Variants in COG2 observed in about 807,000 individuals in gnomAD.
The protein encoded by COG2 is component of oligomeric golgi complex 2, also known as conserved oligomeric Golgi complex subunit 2.
A neutral mutation model predicts 90.6 loss-of-function variants in COG2; 52 were observed. The observed-to-expected ratio is 0.57, with a 90% CI of 0.46 to 0.72. The LOEUF is 0.72. Ranked by LOEUF, COG2 falls within the 30% of genes least tolerant of loss-of-function variation. The pLI, the probability that COG2 is intolerant of heterozygous loss-of-function variation, is 0.00. For missense variants in COG2, 829 were observed against 891.2 expected, an observed-to-expected ratio of 0.93 and a Z score of 0.89; for synonymous variants, 337 against 320.4, an observed-to-expected ratio of 1.05 and a Z score of -0.55.
intron 1 of COG2, among the ~76,000 whole-genome samples, chr1:230,652,387 T>A (rs1661934973): frequency 6.6e-6 from 1 of 152,242 alleles, no homozygotes; most frequent in African/African-American, 2.4e-5. Flanking sequence ...TTGATATAGC[T>A]CATCTCTTTT....
intron 1 of COG2, among the ~76,000 whole-genome samples, chr1:230,645,991 G>T (rs1269252153): frequency 1.3e-5 from 2 of 152,152 alleles, no homozygotes; most frequent in Non-Finnish European, 2.9e-5. Flanking sequence ...GGACGCTGGT[G>T]TAGGGGTCTT....
At chr1:230,656,964 C>T (rs1662071347) in intron 1 of COG2, among the ~76,000 whole-genome samples, 1 of 152,156 alleles carries the variant, frequency 6.6e-6, no homozygotes, top group Non-Finnish European at 1.5e-5. Context: ...CTATGTGTGT[C>T]TTTGCACGTG....
intron 10 of COG2, chr1:230,682,473 T>C (rs1237721510): frequency 6.6e-6 from 1 of 152,244 alleles, no homozygotes; most frequent in Non-Finnish European, 1.5e-5. Flanking sequence ...TTTTGTAAGC[T>C]TCACTGGGCA....
chr1:230,687,991 G>A (rs902361377), intron 13 of COG2, 80 bp from the exon 14 acceptor site: 4 of 922,484 alleles, frequency 4.3e-6, no homozygotes, highest in Non-Finnish European at 6.6e-6. Context: ...AAATTCTAGA[G>A]TTTGTAGATG....
rs941258785 is a variant in COG2 at position 230,668,409 on chromosome 1, G to A, written c.486-267G>A. ...CCCTGCTGCTGTCTGGTCCCTGTGG[G>A]TCAAGGCCAGGCAGCATCAGCAGCT... On this transcript the variant is annotated intron_variant, in intron 5 of 17. Transcript: ENST00000366669. Among the ~76,000 whole-genome samples, 8 of 152,294 alleles carry A rather than the reference G, an allele frequency of 5.3e-5. No homozygotes were observed. The East Asian group carries it at 1.5e-3, about 29-fold the overall frequency.
At chr1:230,659,414 C>T in intron 1 of COG2, 50 bp from the exon 2 acceptor site, 1 of 1,401,140 alleles carries the variant, frequency 7.1e-7, no homozygotes, top group Middle Eastern at 1.8e-4. Context: ...TTGTATATGT[C>T]ACTGTGATAT....
intron 3 of COG2, chr1:230,661,268 A>G (rs1319017530): frequency 6.6e-6 from 1 of 152,386 alleles, no homozygotes; most frequent in African/African-American, 2.4e-5. Context: ...ATGTAACCAA[A>G]GGATAATATA....
At chr1:230,693,266 A>C in intron 17 of COG2, 26 bp from the exon 18 acceptor site, 4 of 1,338,010 alleles carry the variant, frequency 3.0e-6, no homozygotes, top group Non-Finnish European at 4.3e-6. Flanking sequence ...TTGCAGTAAC[A>C]TAATTCATTC....
chr1:230,642,630 G>A lies in COG2; in HGVS notation c.24G>A (p.Leu8=). Residue 8 remains leucine (L), a synonymous_variant, in exon 1 of 18, where the codon CTG becomes CTA. Coordinates refer to ENST00000366669, the MANE Select transcript of COG2 (RefSeq NM_007357.3). Reference sequence around the variant, plus strand: ...GGATGGAGAAAAGTAGGATGAACCTGCCCAAGGGGCCGGACACGCTCTGCT... The same window carrying A: ...GGATGGAGAAAAGTAGGATGAACCTACCCAAGGGGCCGGACACGCTCTGCT... MEKSRMN[L]PKGPDTLCFD... is the part of the protein sequence containing the mutation. The A allele has an allele frequency of 6.2e-7, 1 of 1,613,214 alleles. No individual in the cohort carries two copies. Among genetic ancestry groups the A allele is most frequent in the Non-Finnish European group, 8.5e-7 (1 of 1,179,632 alleles).
intron 15 of COG2, among the ~76,000 whole-genome samples, chr1:230,689,361 TC>T (rs1445363003): frequency 2.0e-5 from 3 of 152,246 alleles, no homozygotes; most frequent in African/African-American, 7.2e-5. Flanking sequence ...TCTTTAGTAA[TC>T]TACCAACTCT....
chr1:230,643,271 G>C (rs1252865090), intron 1 of COG2, among the ~76,000 whole-genome samples: 1 of 152,150 alleles, frequency 6.6e-6, no homozygotes, highest in Non-Finnish European at 1.5e-5. Context: ...GGTAGTTGTA[G>C]GTCATAAACT....
rs1662986713 is a variant in COG2, at chr1:230,690,093, A to G, written c.1874A>G (p.Lys625Arg). 6.2e-7 allele frequency: 1 copy of G among 1,613,546 alleles called. No homozygotes were observed. Among genetic ancestry groups the G allele is most frequent in the South Asian group, 1.1e-5 (1 of 90,936 alleles). Reference protein sequence around the residue: ...LFQLQSGHKDKLKQAIIQQWL... With the variant: ...LFQLQSGHKDRLKQAIIQQWL... The stretch of plus-strand genomic sequence containing the variant: ...CAGCTTCAGAGCGGACACAAGGATA[A>G]GCTCAAACAAGCAATAATTCAGCAG... The change falls in exon 16 of 18, where the codon AAG (lysine) becomes AGG (arginine). Residue 625 changes from lysine (K) to arginine (R), a missense_variant. Lys to Arg is a conservative substitution (Grantham distance 26). Transcript: ENST00000366669.
intron 10 of COG2, 199 bp from the exon 11 acceptor site, chr1:230,683,375 A>G (rs562807465): frequency 3.7e-6 from 2 of 536,184 alleles, no homozygotes; most frequent in African/African-American, 1.9e-5. Flanking sequence ...GAACCCTTAT[A>G]TAACAGTGGC....
chr1:230,693,238 C>A, intron 17 of COG2, 54 bp from the exon 18 acceptor site: 1 of 1,020,266 alleles, frequency 9.8e-7, no homozygotes. Flanking sequence ...TTTTTTCCCC[C>A]CCCATATTCA....
rs925934986 is a variant in COG2, at chr1:230,660,793, G to A, written c.270G>A (p.Val90=). The A allele has an allele frequency of 2.5e-6, 4 of 1,585,894 alleles. No individual in the cohort carries two copies. The highest frequency in any genetic ancestry group is 2.3e-5 in the South Asian group (2 of 86,632). Residue 90 remains valine (V), a synonymous_variant, in exon 3 of 18, where the codon GTG becomes GTA. Coordinates refer to ENST00000366669, the MANE Select transcript of COG2 (RefSeq NM_007357.3). ...GMDKALNQLS[V]PLGQLREEVL... ...ACAAAGCCCTCAACCAGCTTTCTGT[G>A]CCTTTGGGACAATTACGAGAAGAGG... is the stretch of plus-strand genomic sequence containing the variant.
rs55969447 is a variant in COG2 at position 230,647,003 on chromosome 1, C to G, written c.72+4325C>G. Among the ~76,000 whole-genome samples the G allele has an allele frequency of 5.5e-3, 833 of 152,200 alleles. 11 individuals are homozygous for G. Among genetic ancestry groups the G allele is most frequent in the African/African-American group, 0.019 (784 of 41,512 alleles). On this transcript the variant is annotated intron_variant, in intron 1 of 17. Transcript: ENST00000366669. ...GCTTCTTACTGTAGTCCCCTGGCAT[C>G]CATTCTTGCCTTTTTCTAGTCCGTG...
chr1:230,688,519 A>C lies in COG2; in HGVS notation c.1751A>C (p.Lys584Thr). The C allele has an allele frequency of 6.2e-7, 1 of 1,614,144 alleles. No homozygotes were observed. Among genetic ancestry groups the C allele is most frequent in the Non-Finnish European group, 8.5e-7 (1 of 1,180,028 alleles). ...AGTGACTCTTGCTTCGGTTTCCTAA[A>C]AAGCGCCCTGGAGGTTCCCAGGCTT... is the stretch of plus-strand genomic sequence containing the variant. ...DLSDSCFGFL[K>T]SALEVPRLYR... Residue 584 changes from lysine (K) to threonine (T), a missense_variant, in exon 15 of 18, where the codon AAA becomes ACA. Lys to Thr is a moderately conservative substitution (Grantham distance 78). Coordinates refer to ENST00000366669, the MANE Select transcript of COG2 (RefSeq NM_007357.3).
chr1:230,682,445 A>G (rs1444253904), intron 10 of COG2: 2 of 152,186 alleles, frequency 1.3e-5, no homozygotes, highest in Non-Finnish European at 2.9e-5. Flanking sequence ...TCTCAACTGC[A>G]GCTTGAAAAG....
chr1:230,664,178 G>C (rs1662257088), intron 4 of COG2, among the ~76,000 whole-genome samples: 1 of 151,572 alleles, frequency 6.6e-6, no homozygotes, highest in Admixed American at 6.6e-5. Context: ...GATAGAGTGA[G>C]ACCCTGTCCT....
Sources: allele counts gnomAD v4.1 joint callset (sites outside exome capture counted in the v4.1 genomes callset), GRCh38; gene constraint gnomAD v4.1.1; transcripts MANE v1.5; gene names NCBI Gene and HGNC (gene_info 2026-07-23, HGNC 2026-07-21).